Variants in CPQ observed in about 807,000 individuals in gnomAD.
CPQ encodes carboxypeptidase Q, also known as Ser-Met dipeptidase.
Under a neutral mutation model 45.7 loss-of-function variants are expected in CPQ, and 37 were observed. The ratio of observed to expected loss-of-function variants is 0.81; its 90% CI spans 0.62 to 1.07. The LOEUF is 1.07. Ranked by LOEUF, CPQ falls within the 50% of genes least tolerant of loss-of-function variation. The pLI, the probability that CPQ is intolerant of heterozygous loss-of-function variation, is 0.00. For synonymous variants in CPQ, 186 were observed against 205.8 expected (o/e 0.90, Z 0.82); for missense variants, 537 against 572.9 (o/e 0.94, Z 0.64).
At chr8:97,114,488 T>C (rs1811549618) in intron 7 of CPQ, among the ~76,000 whole-genome samples, 1 of 152,226 alleles carries the variant, frequency 6.6e-6, no homozygotes, top group Admixed American at 6.5e-5. Flanking sequence ...TGGCACACAG[T>C]AGGTGTTCAG....
intron 6 of CPQ, among the ~76,000 whole-genome samples, chr8:97,056,748 C>A (rs1563568122): frequency 6.6e-6 from 1 of 152,182 alleles, no homozygotes; most frequent in African/African-American, 2.4e-5. Context: ...AGAATAAAGT[C>A]ATCTGTTCAT....
intron 1 of CPQ, among the ~76,000 whole-genome samples, chr8:96,691,498 G>C (rs1405501431): frequency 6.6e-6 from 1 of 152,074 alleles, no homozygotes. Context: ...TAGTGTTTCT[G>C]TGTCATCTCT....
intron 7 of CPQ, among the ~76,000 whole-genome samples, chr8:97,123,997 C>G (rs1380206861): frequency 1.3e-5 from 2 of 151,708 alleles, no homozygotes; most frequent in African/African-American, 4.8e-5. Flanking sequence ...CCGAGGTGGG[C>G]AGATCACAAC....
chr8:96,734,851 T>C (rs888814319), intron 1 of CPQ, among the ~76,000 whole-genome samples: 1 of 152,174 alleles, frequency 6.6e-6, no homozygotes. Flanking sequence ...GTGATCTGGC[T>C]CTATTTATCT....
chr8:97,112,324 A>G (rs1811511976), intron 7 of CPQ, among the ~76,000 whole-genome samples: 1 of 152,132 alleles, frequency 6.6e-6, no homozygotes, highest in Admixed American at 6.5e-5. Context: ...TAAAAGTACA[A>G]GGACTGTGGG....
chr8:96,656,651 G>C (rs1815641573), intron 1 of CPQ, among the ~76,000 whole-genome samples: 1 of 152,200 alleles, frequency 6.6e-6, no homozygotes, highest in Admixed American at 6.5e-5. Context: ...AATGCCCTGT[G>C]ATGGTCATCT....
At chr8:97,115,385 T>C (rs1811567858) in intron 7 of CPQ, among the ~76,000 whole-genome samples, 1 of 152,210 alleles carries the variant, frequency 6.6e-6, no homozygotes, top group South Asian at 2.1e-4. Context: ...CGAAGCAATT[T>C]TACTCTAGTT....
At chr8:96,755,642 G>A (rs978861079) in intron 1 of CPQ, among the ~76,000 whole-genome samples, 2 of 151,448 alleles carry the variant, frequency 1.3e-5, no homozygotes, top group Admixed American at 1.3e-4. Context: ...ATCTTCAAAG[G>A]GCACAAAGTA....
intron 7 of CPQ, among the ~76,000 whole-genome samples, chr8:97,106,886 C>T (rs1006904990): frequency 4.6e-5 from 7 of 152,102 alleles, no homozygotes; most frequent in Admixed American, 3.3e-4. Context: ...AGTGAAAAAG[C>T]GTATTGGGAT....
At chr8:97,123,375 AAAAT>A (rs1259866794) in intron 7 of CPQ, among the ~76,000 whole-genome samples, 1 of 150,178 alleles carries the variant, frequency 6.7e-6, no homozygotes, top group African/African-American at 2.4e-5. Context: ...ATAATAGGAA[AAAAT>A]ATATGATAAT....
At chr8:96,668,975 A>G (rs2130718683) in intron 1 of CPQ, among the ~76,000 whole-genome samples, 1 of 152,368 alleles carries the variant, frequency 6.6e-6, no homozygotes, top group East Asian at 1.9e-4. Flanking sequence ...CTCTATTGCA[A>G]ACAAACAGAA....
intron 3 of CPQ, among the ~76,000 whole-genome samples, chr8:96,855,852 G>A (rs1174636920): frequency 3.3e-5 from 5 of 152,198 alleles, no homozygotes; most frequent in Admixed American, 2.6e-4. Context: ...CACCCGTTAG[G>A]GAAGACTTCT....
chr8:97,100,226 T>A (rs926414896), intron 7 of CPQ, among the ~76,000 whole-genome samples: 3 of 152,190 alleles, frequency 2.0e-5, no homozygotes, highest in African/African-American at 7.2e-5. Context: ...GAATTATTTG[T>A]TGAACGAATG....
Position 96,675,597 on chromosome 8 carries a change from T to C in CPQ, c.-35+30195T>C, listed in dbSNP as rs141046285. Among the ~76,000 whole-genome samples the C allele has an allele frequency of 3.9e-3, 596 of 152,222 alleles. 2 individuals are homozygous for C. The highest frequency in any genetic ancestry group is 4.9e-3 in the Non-Finnish European group (335 of 67,948). On this transcript the variant is annotated intron_variant, in intron 1 of 7. Coordinates refer to ENST00000220763, the MANE Select transcript of CPQ (RefSeq NM_016134.4). ...ATAATTTCTAGAAGAGGAATATTTA[T>C]GTTAAAAGTATATGCATGTATGTAG...
chr8:96,802,053 A>G (rs1309792584), intron 2 of CPQ, among the ~76,000 whole-genome samples: 1 of 151,824 alleles, frequency 6.6e-6, no homozygotes, highest in Admixed American at 6.6e-5. Flanking sequence ...GTCTTTTTCT[A>G]TATCTCTCTA....
At chr8:96,746,984 A>C (rs982908210) in intron 1 of CPQ, among the ~76,000 whole-genome samples, 2 of 151,898 alleles carry the variant, frequency 1.3e-5, no homozygotes, top group Admixed American at 1.3e-4. Flanking sequence ...GGTACCTGGG[A>C]TTTGGTGTAT....
intron 1 of CPQ, among the ~76,000 whole-genome samples, chr8:96,708,195 A>G (rs986476959): frequency 1.1e-4 from 16 of 151,596 alleles, no homozygotes; most frequent in African/African-American, 3.9e-4. Context: ...TCTCCCTTAC[A>G]CTTATAAGGA....
chr8:96,669,972 T>C (rs1340013121), intron 1 of CPQ, among the ~76,000 whole-genome samples: 1 of 152,218 alleles, frequency 6.6e-6, no homozygotes, highest in Non-Finnish European at 1.5e-5. Flanking sequence ...TTATGTGTTC[T>C]GTTTAAAGAC....
intron 3 of CPQ, among the ~76,000 whole-genome samples, chr8:96,853,015 A>G (rs1811791705): frequency 6.6e-6 from 1 of 152,220 alleles, no homozygotes; most frequent in Non-Finnish European, 1.5e-5. Context: ...TATTTGAAGA[A>G]GTCTTAATTG....
Sources: allele counts gnomAD v4.1 joint callset (sites outside exome capture counted in the v4.1 genomes callset), GRCh38; gene constraint gnomAD v4.1.1; transcripts MANE v1.5; gene names NCBI Gene and HGNC (gene_info 2026-07-23, HGNC 2026-07-21).